Variants in WAPL observed in about 807,000 individuals in gnomAD.
The protein encoded by WAPL is WAPL cohesin release factor.
WAPL carries 5 observed loss-of-function variants against 121.0 expected under a neutral mutation model. The ratio of observed to expected loss-of-function variants is 0.04; its 90% confidence interval spans 0.02 to 0.09. WAPL has a LOEUF of 0.09. Among genes scored for constraint, WAPL ranks in the 10% least tolerant of loss-of-function variants. The pLI is 1.00. For synonymous variants in WAPL, 480 were observed against 481.5 expected, an observed-to-expected ratio of 1.00 and a Z score of 0.04; for missense variants, 999 against 1,410.8, an observed-to-expected ratio of 0.71 and a Z score of 4.68.
chr10:86,515,763 C>T, intron 2 of WAPL, among the ~76,000 whole-genome samples: 1 of 150,938 alleles, frequency 6.6e-6, no homozygotes, highest in Non-Finnish European at 1.5e-5. Flanking sequence ...GCCTGGGCAA[C>T]ACAGCGAGAC....
Position 86,500,751 on chromosome 10 carries a change from A to G in WAPL, c.500-8T>C. 6.5e-7 allele frequency: 1 copy of G among 1,540,820 alleles called. No individual in the cohort carries two copies. The highest frequency in any genetic ancestry group is 1.4e-5 in the African/African-American group (1 of 72,198). On this transcript the variant is annotated splice_polypyrimidine_tract_variant and splice_region_variant and intron_variant, in intron 2 of 18. Coordinates refer to ENST00000298767, the MANE Select transcript of WAPL (RefSeq NM_015045.5). ...GAAAATTCTCCACTTTATCTGTAAA[A>G]ATAAGTCAAAGGATAAAAACATGAG...
intron 2 of WAPL, among the ~76,000 whole-genome samples, chr10:86,507,365 C>CAAAAAA (rs34752630): frequency 1.0e-4 from 8 of 77,678 alleles, no homozygotes; most frequent in African/African-American, 3.8e-4. Context: ...GACTCTGTCT[C>CAAAAAA]AAAAAAAAAA....
intron 16 of WAPL, among the ~76,000 whole-genome samples, chr10:86,444,892 C>CGA (rs1554825848): frequency 1.5e-5 from 1 of 68,194 alleles, no homozygotes; most frequent in African/African-American, 5.7e-5. Context: ...GTTATTACGC[C>CGA]AAAAAAAAAA....
intron 4 of WAPL, among the ~76,000 whole-genome samples, chr10:86,494,759 A>G (rs1842119502): frequency 1.3e-5 from 2 of 152,220 alleles, no homozygotes; most frequent in African/African-American, 4.8e-5. Flanking sequence ...AGCAGATTTT[A>G]ATGCAATGTA....
intron 17 of WAPL, among the ~76,000 whole-genome samples, 173 bp downstream of exon 17, chr10:86,443,102 T>C (rs1008484482): frequency 2.7e-5 from 4 of 149,678 alleles, no homozygotes; most frequent in Non-Finnish European, 5.9e-5. Context: ...TTTTCCTCCA[T>C]AGGAAACAAA....
intron 4 of WAPL, among the ~76,000 whole-genome samples, chr10:86,493,827 C>A (rs1842096642): frequency 6.6e-6 from 1 of 152,040 alleles, no homozygotes; most frequent in Non-Finnish European, 1.5e-5. Flanking sequence ...CATGATGAGA[C>A]CCTCCCTCTA....
intron 9 of WAPL, among the ~76,000 whole-genome samples, chr10:86,466,813 C>G (rs1467636846): frequency 6.6e-6 from 1 of 152,080 alleles, no homozygotes; most frequent in Non-Finnish European, 1.5e-5. Context: ...TTTCTCTGAC[C>G]TAAGCCTCCT....
intron 2 of WAPL, among the ~76,000 whole-genome samples, chr10:86,515,041 CAT>C (rs1842528460): frequency 1.3e-5 from 2 of 152,152 alleles, no homozygotes; most frequent in African/African-American, 4.8e-5. Flanking sequence ...GGGTGGATCA[CAT>C]GAGGTCAGGA....
At chr10:86,510,388 TA>T (rs1379572716) in intron 2 of WAPL, among the ~76,000 whole-genome samples, 1 of 152,106 alleles carries the variant, frequency 6.6e-6, no homozygotes, top group Non-Finnish European at 1.5e-5. Flanking sequence ...CTTCAAGTTC[TA>T]AAAGCATAAA....
At chr10:86,442,829 G>A (rs934469428) in intron 17 of WAPL, among the ~76,000 whole-genome samples, 1 of 152,102 alleles carries the variant, frequency 6.6e-6, no homozygotes, top group African/African-American at 2.4e-5. Context: ...CACGAGGTCA[G>A]GAGATTGAGA....
intron 4 of WAPL, among the ~76,000 whole-genome samples, chr10:86,494,799 C>G (rs1320594523): frequency 6.6e-6 from 1 of 152,144 alleles, no homozygotes; most frequent in East Asian, 1.9e-4. Context: ...TTTCACATTC[C>G]AAGTTGCAAC....
At chr10:86,499,357 A>G (rs1842203647) in intron 3 of WAPL, among the ~76,000 whole-genome samples, 1 of 152,182 alleles carries the variant, frequency 6.6e-6, no homozygotes, top group Non-Finnish European at 1.5e-5. Context: ...AAGCCTGAAA[A>G]ACACATTTAA....
At chr10:86,450,079 T>C (rs1287478926) in intron 15 of WAPL, among the ~76,000 whole-genome samples, 3 of 152,232 alleles carry the variant, frequency 2.0e-5, no homozygotes, top group Admixed American at 2.0e-4. Flanking sequence ...GGTTTTGCTA[T>C]AGTACTACAG....
chr10:86,498,920 T>G (rs1438670418), intron 3 of WAPL, among the ~76,000 whole-genome samples: 1 of 152,214 alleles, frequency 6.6e-6, no homozygotes, highest in Non-Finnish European at 1.5e-5. Flanking sequence ...TTAAACCAAC[T>G]TAGGAGGGTT....
chr10:86,496,845 T>C (rs1451107392), intron 4 of WAPL, among the ~76,000 whole-genome samples: 1 of 151,942 alleles, frequency 6.6e-6, no homozygotes, highest in African/African-American at 2.4e-5. Flanking sequence ...AAAAAGCACA[T>C]TCCTAGAGAC....
In WAPL at chr10:86,453,835, A is replaced by C. The variant is rs79085755; in HGVS notation, c.2658-4T>G. ...TTCTTCACAATGCTGTAATGCTCTT[A>C]AAAGGAAATAAAATATAGACTATTA... On this transcript the variant is annotated splice_region_variant and splice_polypyrimidine_tract_variant and intron_variant, in intron 12 of 18. Coordinates refer to ENST00000298767, the MANE Select transcript of WAPL (RefSeq NM_015045.5). 30,166 of 1,587,472 alleles carry C rather than the reference A, an allele frequency of 0.019. 349 individuals carry two copies. Among genetic ancestry groups the C allele is most frequent in the Non-Finnish European group, 0.022 (26,220 of 1,168,606 alleles).
chr10:86,441,600 G>T (rs1421484534), intron 17 of WAPL, among the ~76,000 whole-genome samples: 2 of 150,660 alleles, frequency 1.3e-5, no homozygotes, highest in Non-Finnish European at 2.9e-5. Context: ...TATAGAGGAA[G>T]AGGCCCTATT....
chr10:86,477,347 T>C (rs11202042), intron 4 of WAPL, among the ~76,000 whole-genome samples: 52,038 of 152,054 alleles, frequency 0.34, 9,620 homozygotes, highest in Non-Finnish European at 0.42. Context: ...GTGGAAGTGA[T>C]TGTGTGTACA....
At chr10:86,455,107 TG>T (rs1381613243) in intron 12 of WAPL, among the ~76,000 whole-genome samples, 1 of 103,640 alleles carries the variant, frequency 9.6e-6, no homozygotes, top group Non-Finnish European at 2.0e-5. Flanking sequence ...GTCCAGGAGG[TG>T]GGGGGGTGCC....
Sources: gnomAD v4.1 joint callset for allele counts (sites outside exome capture counted in the v4.1 genomes callset) on GRCh38, gnomAD v4.1.1 for gene constraint, MANE v1.5 for transcripts, NCBI Gene and HGNC (gene_info 2026-07-23, HGNC 2026-07-21) for gene names.